The following OBP2A variants were observed in gnomAD, a reference collection of about 807,000 sequenced individuals.
The protein encoded by OBP2A is odorant binding protein 2A, also known as odorant-binding protein 2a.
In OBP2A, 15 loss-of-function variants were observed where a neutral mutation model predicts 21.9. The observed-to-expected ratio is 0.69, with a 90% CI of 0.46 to 1.06. The LOEUF (loss-of-function observed/expected upper bound fraction) is 1.06, where lower values mean the gene tolerates loss of function less well. Ranked by LOEUF, OBP2A falls within the 50% of genes least tolerant of loss-of-function variation. The probability of loss-of-function intolerance (pLI) is 0.00; values close to 1 mark genes in which losing one functional copy is unlikely to be tolerated. For missense variants in OBP2A, 192 were observed against 220.1 expected, an observed-to-expected ratio of 0.87 and a Z score of 0.81; for synonymous variants, 86 against 91.8, an observed-to-expected ratio of 0.94 and a Z score of 0.36.
chr9:135,547,044 G>A (rs1588162436), intron 2 of OBP2A, 133 bp downstream of exon 2: 1 of 1,488,370 alleles, frequency 6.7e-7, no homozygotes, highest in Non-Finnish European at 9.3e-7. Context: ...AAACAGCCAG[G>A]ACATCCTGAA....
chr9:135,547,193 C>A lies in OBP2A; in HGVS notation c.222C>A (p.Cys74Ter), dbSNP rs1257458042. 11 of 1,612,654 alleles carry A rather than the reference C, an allele frequency of 6.8e-6. No homozygotes were observed. Among genetic ancestry groups the A allele is most frequent in the Non-Finnish European group, 6.8e-6 (8 of 1,179,932 alleles). ...ATFTFMREDR[C>*]IQKKILMRKT... ...TGTTTTCCAGGAGGGAGGATCGGTG[C>A]ATCCAGAAGAAAATCCTGATGCGGA... Residue 74 changes from cysteine to a stop codon, truncating the protein, a stop_gained, in exon 3 of 7, where the codon TGC becomes TGA. Coordinates refer to ENST00000371776, the MANE Select transcript of OBP2A (RefSeq NM_014582.3). LOFTEE classifies it high-confidence loss of function.
In OBP2A at chr9:135,547,206, A is replaced by T. The variant is rs1831962937; in HGVS notation, c.235A>T (p.Ile79Phe). 6.2e-7 allele frequency: 1 copy of T among 1,612,768 alleles called. No homozygotes were observed. Among genetic ancestry groups the T allele is most frequent in the Admixed American group, 1.7e-5 (1 of 59,990 alleles). Reference sequence around the variant, plus strand: ...GGAGGATCGGTGCATCCAGAAGAAAATCCTGATGCGGAAGACGGAGGAGCC... The same window carrying T: ...GGAGGATCGGTGCATCCAGAAGAAATTCCTGATGCGGAAGACGGAGGAGCC... ...MREDRCIQKK[I>F]LMRKTEEPGK... The change falls in exon 3 of 7, where the codon ATC (isoleucine) becomes TTC (phenylalanine). Residue 79 changes from isoleucine to phenylalanine, a missense_variant. Ile to Phe is a conservative substitution (Grantham distance 21). Coordinates refer to ENST00000371776, the MANE Select transcript of OBP2A (RefSeq NM_014582.3).
rs114227474 is a variant in OBP2A, at chr9:135,548,625, G to A, written c.389-83G>A. 311 of 1,592,110 alleles carry A rather than the reference G, an allele frequency of 2.0e-4. 2 individuals carry two copies. The African/African-American group carries it at 2.2e-3, about 11-fold the overall frequency. On this transcript the variant is annotated intron_variant, in intron 4 of 6. Coordinates refer to ENST00000371776, the MANE Select transcript of OBP2A (RefSeq NM_014582.3). ...CTCTCCCCCGTCCTGATGCTGGGCCGTGGTCGTCTCCTTTTAGCATCTGCT... is the reference window on the plus strand; with the variant it reads ...CTCTCCCCCGTCCTGATGCTGGGCCATGGTCGTCTCCTTTTAGCATCTGCT...
rs111808171 is a variant in OBP2A, at chr9:135,547,244, C to T, written c.273C>T (p.Ser91=). The T allele has an allele frequency of 7.8e-4, 1,251 of 1,613,628 alleles. 9 individuals carry two copies. The African/African-American group carries it at 0.013, about 17-fold the overall frequency. The change falls in exon 3 of 7, where the codon AGC becomes AGT. Residue 91 remains serine, a synonymous_variant. Transcript: ENST00000371776. ...AGACGGAGGAGCCTGGCAAATTCAGCGCCTGTGAGCCCCTCCCCGACCCCC... is the reference window on the plus strand; with the variant it reads ...AGACGGAGGAGCCTGGCAAATTCAGTGCCTGTGAGCCCCTCCCCGACCCCC... ...MRKTEEPGKF[S]AYGGRKLIYL...
At chr9:135,546,446 G>T (rs1020190322) in intron 1 of OBP2A, among the ~76,000 whole-genome samples, 194 bp downstream of exon 1, 4 of 152,002 alleles carry the variant, frequency 2.6e-5, no homozygotes, top group Non-Finnish European at 4.4e-5. Flanking sequence ...GCCGGAGCAG[G>T]CTCGGCTCAG....
Position 135,547,164 on chromosome 9 carries a change from CT to C in OBP2A, c.207-13del, listed in dbSNP as rs1831961405. 6.2e-7 allele frequency: 1 copy of C among 1,611,630 alleles called. No individual in the cohort carries two copies. The highest frequency in any genetic ancestry group is 1.7e-5 in the Admixed American group (1 of 59,972). On this transcript the variant is annotated splice_polypyrimidine_tract_variant and intron_variant, in intron 2 of 6. Coordinates refer to ENST00000371776, the MANE Select transcript of OBP2A (RefSeq NM_014582.3). ...GTCCTGGGAGCCGCTGCCCGAGTGT[CT>C]CCTGTTTTCCAGGAGGGAGGATCGG...
chr9:135,546,827 C>A lies in OBP2A; in HGVS notation c.122C>A (p.Pro41Gln), dbSNP rs760275832. 21 of 1,613,166 alleles carry A rather than the reference C, an allele frequency of 1.3e-5. No individual in the cohort carries two copies. The highest frequency in any genetic ancestry group is 1.8e-5 in the Non-Finnish European group (21 of 1,179,568). Residue 41 changes from proline to glutamine, a missense_variant, in exon 2 of 7, where the codon CCG (proline) becomes CAG (glutamine). Physicochemically the swap from Pro to Gln is moderately conservative, Grantham distance 76. Transcript: ENST00000371776. ...GCCATGGTGGTCGATAAGGACTTTC[C>A]GGAGGACAGGAGGCCCAGGAAGGTG... ...VKAMVVDKDF[P>Q]EDRRPRKVSP...
Position 135,546,864 on chromosome 9 carries a change from G to A in OBP2A, c.159G>A (p.Lys53=). The A allele has an allele frequency of 6.2e-7, 1 of 1,613,804 alleles. No individual in the cohort carries two copies. The highest frequency in any genetic ancestry group is 2.2e-5 in the East Asian group (1 of 44,860). ...GGCCCAGGAAGGTGTCCCCAGTGAAGGTGACAGCCCTGGGCGGTGGGAACT... is the reference window on the plus strand; with the variant it reads ...GGCCCAGGAAGGTGTCCCCAGTGAAAGTGACAGCCCTGGGCGGTGGGAACT... ...DRRPRKVSPV[K]VTALGGGNLE... Residue 53 remains lysine (K), a synonymous_variant, in exon 2 of 7, where the codon AAG becomes AAA. Coordinates refer to ENST00000371776, the MANE Select transcript of OBP2A (RefSeq NM_014582.3).
At chr9:135,548,629 T>C in intron 4 of OBP2A, 79 bp from the exon 5 acceptor site, 1 of 1,596,496 alleles carries the variant, frequency 6.3e-7, no homozygotes, top group Non-Finnish European at 8.5e-7. Context: ...TGGGCCGTGG[T>C]CGTCTCCTTT....
intron 3 of OBP2A, among the ~76,000 whole-genome samples, 178 bp downstream of exon 3, chr9:135,547,426 G>C (rs1337108575): frequency 6.6e-6 from 1 of 152,212 alleles, no homozygotes; most frequent in African/African-American, 2.4e-5. Context: ...CACCAGGTGT[G>C]ACAGGCTTGT....
rs1398123913 is a variant in OBP2A, at chr9:135,549,940, C to T, written c.*105C>T. ...CATGACCCTTCCCTGCTCCCACCCA[C>T]CTGACTCCAAATAAAGAGCTTCTCC... On this transcript the variant is annotated 3_prime_UTR_variant, in exon 7 of 7. Coordinates refer to ENST00000371776, the MANE Select transcript of OBP2A (RefSeq NM_014582.3). 22 of 1,532,670 alleles carry T rather than the reference C, an allele frequency of 1.4e-5. No homozygotes were observed. Among genetic ancestry groups the T allele is most frequent in the Middle Eastern group, 1.7e-4 (1 of 5,794 alleles). 94.9% of individuals were successfully genotyped at this position (1,532,670 alleles called of 1,614,324 possible). A position where few individuals can be genotyped will look rare whatever the true frequency, so the allele number is the denominator to read the frequency against.
At chr9:135,547,441 A>T (rs1307721266) in intron 3 of OBP2A, among the ~76,000 whole-genome samples, 193 bp downstream of exon 3, 1 of 152,192 alleles carries the variant, frequency 6.6e-6, no homozygotes, top group Non-Finnish European at 1.5e-5. Context: ...GCTTGTCCAC[A>T]GTAGAGATGG....
At chr9:135,548,112 C>G in intron 4 of OBP2A, 131 bp downstream of exon 4, 2 of 635,198 alleles carry the variant, frequency 3.1e-6, no homozygotes, top group Non-Finnish European at 2.6e-6. Flanking sequence ...GTGTGCTAGG[C>G]ACCAAGCGCT....
Position 135,548,807 on chromosome 9 carries a change from C to G in OBP2A, c.488C>G (p.Thr163Arg). 1 of 1,613,706 alleles carries G rather than the reference C, an allele frequency of 6.2e-7. No individual in the cohort carries two copies. The highest frequency in any genetic ancestry group is 8.5e-7 in the Non-Finnish European group (1 of 1,179,616). ...GAGGACATTTTCATGCCCCTGCAGA[C>G]GGGTGAGGACGGCTGTGCCCAGTAC... ...SEEDIFMPLQ[T>R]GSCVLEH Residue 163 changes from threonine (T) to arginine (R), a missense_variant and splice_region_variant, in exon 5 of 7, where the codon ACG (threonine) becomes AGG (arginine). Thr to Arg is a moderately conservative substitution (Grantham distance 71). Transcript: ENST00000371776.
intron 6 of OBP2A, 131 bp downstream of exon 6, chr9:135,549,462 G>C: frequency 1.1e-6 from 1 of 911,660 alleles, no homozygotes; most frequent in Non-Finnish European, 1.6e-6. Context: ...GCACGAGGTT[G>C]GCACCTCAGA....
intron 2 of OBP2A, 121 bp downstream of exon 2, chr9:135,547,032 G>A (rs1831954098): frequency 6.6e-7 from 1 of 1,520,896 alleles, no homozygotes; most frequent in South Asian, 1.2e-5. Context: ...TGCCTTGGAG[G>A]GAAACAGCCA....
Position 135,548,693 on chromosome 9 carries a change from C to A in OBP2A, c.389-15C>A. On this transcript the variant is annotated splice_polypyrimidine_tract_variant and intron_variant, in intron 4 of 6. Coordinates refer to ENST00000371776, the MANE Select transcript of OBP2A (RefSeq NM_014582.3). Reference sequence around the variant, plus strand: ...GCTGTCCCCACCTTGGCTCACCTGGCCACCTCACCTGCAGGTAGGAATCCT... The same window carrying A: ...GCTGTCCCCACCTTGGCTCACCTGGACACCTCACCTGCAGGTAGGAATCCT... The A allele has an allele frequency of 1.2e-6, 2 of 1,613,786 alleles. No individual in the cohort carries two copies. Among genetic ancestry groups the A allele is most frequent in the East Asian group, 2.2e-5 (1 of 44,872 alleles).
chr9:135,548,241 G>A (rs935273656), intron 4 of OBP2A, among the ~76,000 whole-genome samples: 6 of 152,168 alleles, frequency 3.9e-5, no homozygotes, highest in Non-Finnish European at 7.4e-5. Context: ...AGGTGTAGGG[G>A]CCTCACCTTA....
At chr9:135,548,026 G>A (rs769645797) in intron 4 of OBP2A, 45 bp downstream of exon 4, 2 of 1,360,240 alleles carry the variant, frequency 1.5e-6, no homozygotes, top group South Asian at 2.7e-5. Context: ...CATGGTCTCT[G>A]CCTCCAGAAG....
Sources: gnomAD v4.1 joint callset for allele counts (sites outside exome capture counted in the v4.1 genomes callset) on GRCh38, gnomAD v4.1.1 for gene constraint, MANE v1.5 for transcripts, NCBI Gene and HGNC (gene_info 2026-07-23, HGNC 2026-07-21) for gene names.